Variants in CACNA1E observed in about 807,000 individuals in gnomAD.
CACNA1E encodes calcium voltage-gated channel subunit alpha1 E.
CACNA1E carries 40 observed loss-of-function variants against 259.2 expected under a neutral mutation model. The ratio of observed to expected loss-of-function variants is 0.15; its 90% CI spans 0.12 to 0.20. The LOEUF (loss-of-function observed/expected upper bound fraction) is 0.20, where lower values mean the gene tolerates loss of function less well. Among genes scored for constraint, CACNA1E ranks in the 10% least tolerant of loss-of-function variants. The probability of loss-of-function intolerance (pLI) is 1.00; values close to 1 mark genes in which losing one functional copy is unlikely to be tolerated. For synonymous variants in CACNA1E, 1,104 were observed against 1,138.5 expected (o/e 0.97, Z 0.61); for missense variants, 1,874 against 3,040.1 (o/e 0.62, Z 9.02).
chr1:181,626,915 T>C (rs58662054), intron 6 of CACNA1E, among the ~76,000 whole-genome samples: 4,441 of 152,282 alleles, frequency 0.029, 237 homozygotes, highest in African/African-American at 0.1. Flanking sequence ...CAGGAAAACA[T>C]GCCCAGGGCG....
intron 2 of CACNA1E, among the ~76,000 whole-genome samples, chr1:181,462,478 G>A (rs993693658): frequency 1.4e-4 from 22 of 152,098 alleles, no homozygotes; most frequent in Admixed American, 2.6e-4. Context: ...GATATATTTC[G>A]AACATTTGTA....
At position 181,794,022 on chromosome 1, in the gene CACNA1E, C is replaced by G. The variant is rs191841430; in HGVS notation, c.6027+229C>G. On this transcript the variant is annotated intron_variant, in intron 45 of 47. Coordinates refer to ENST00000367573, the MANE Select transcript of CACNA1E (RefSeq NM_001205293.3). Reference sequence around the variant, plus strand: ...ACAAAATTGCATACTTCACTCCGGACGGGTTAAACATTCTCAAGATTCAAC... The same window carrying G: ...ACAAAATTGCATACTTCACTCCGGAGGGGTTAAACATTCTCAAGATTCAAC... Among the ~76,000 whole-genome samples the G allele has an allele frequency of 7.2e-5, 11 of 152,254 alleles. No individual in the cohort carries two copies. The East Asian group carries it at 1.9e-3, about 27-fold the overall frequency.
intron 6 of CACNA1E, among the ~76,000 whole-genome samples, chr1:181,626,060 T>A (rs1165789575): frequency 6.6e-6 from 1 of 152,262 alleles, no homozygotes; most frequent in East Asian, 1.9e-4. Context: ...ACAACATTTA[T>A]CAATTAAGCA....
chr1:181,483,778 C>T lies in CACNA1E; in HGVS notation c.34C>T (p.Pro12Ser). The T allele has an allele frequency of 6.2e-7, 1 of 1,610,750 alleles. No homozygotes were observed. The highest frequency in any genetic ancestry group is 8.5e-7 in the Non-Finnish European group (1 of 1,178,692). ...ARFGEAVVAR[P>S]GSGDGDSDQS... The stretch of plus-strand genomic sequence containing the variant: ...CTTCGGGGAGGCGGTGGTCGCCAGG[C>T]CAGGGTCCGGCGATGGAGACTCGGA... Residue 12 changes from proline (P) to serine (S), a missense_variant, in exon 1 of 48, where the codon CCA (proline) becomes TCA (serine). Coordinates refer to ENST00000367573, the MANE Select transcript of CACNA1E (RefSeq NM_001205293.3).
At chr1:181,325,032 C>T (rs891931399) in intron 1 of CACNA1E, among the ~76,000 whole-genome samples, 9 of 152,128 alleles carry the variant, frequency 5.9e-5, no homozygotes, top group African/African-American at 2.2e-4. Context: ...CTCTTCTCTC[C>T]AGCCCATCGT....
At position 181,352,300 on chromosome 1, in the gene CACNA1E, C is replaced by T. The variant is rs538258449; in HGVS notation, c.-15+34177C>T. Among the ~76,000 whole-genome samples, 25 of 152,158 alleles carry T rather than the reference C, an allele frequency of 1.6e-4. No individual in the cohort carries two copies. The South Asian group carries it at 3.1e-3, about 19-fold the overall frequency. Reference sequence around the variant, plus strand: ...AAGGGCGGAGAGCAGTGGGAAATGACGGCATCCAAGTGAGTGGGGGTGAGA... The same window carrying T: ...AAGGGCGGAGAGCAGTGGGAAATGATGGCATCCAAGTGAGTGGGGGTGAGA... On this transcript the variant is annotated intron_variant, in intron 1 of 11. Transcript: ENST00000524607.
intron 7 of CACNA1E, among the ~76,000 whole-genome samples, chr1:181,673,226 G>A (rs993737319): frequency 1.8e-5 from 1 of 55,676 alleles, no homozygotes; most frequent in African/African-American, 3.2e-5. Context: ...ATGAGTATGT[G>A]TGTGTGTGTG....
chr1:181,359,960 CT>C (rs1186107969), intron 1 of CACNA1E, among the ~76,000 whole-genome samples: 1 of 152,106 alleles, frequency 6.6e-6, no homozygotes, highest in African/African-American at 2.4e-5. Context: ...GTCTACATTG[CT>C]GCCCAGCCTT....
At chr1:181,475,686 G>A (rs954306091) in intron 2 of CACNA1E, among the ~76,000 whole-genome samples, 1 of 152,186 alleles carries the variant, frequency 6.6e-6, no homozygotes, top group Non-Finnish European at 1.5e-5. Context: ...CCATTTTATA[G>A]GCAGTGGGGA....
intron 2 of CACNA1E, among the ~76,000 whole-genome samples, chr1:181,434,761 C>G (rs143453113): frequency 2.0e-5 from 3 of 152,284 alleles, no homozygotes; most frequent in African/African-American, 7.2e-5. Flanking sequence ...GCAGGAGCCA[C>G]CTGGTCAGGG....
At chr1:181,528,801 G>A (rs2102716256) in intron 3 of CACNA1E, among the ~76,000 whole-genome samples, 1 of 152,304 alleles carries the variant, frequency 6.6e-6, no homozygotes, top group South Asian at 2.1e-4. Context: ...TTTCTTAGCA[G>A]CAAAGCATTC....
chr1:181,585,421 T>C (rs998320813), intron 6 of CACNA1E, among the ~76,000 whole-genome samples: 8 of 152,226 alleles, frequency 5.3e-5, no homozygotes, highest in African/African-American at 1.9e-4. Context: ...GGCTACTATG[T>C]GCCAAATACT....
chr1:181,452,931 A>G (rs1278849866), intron 2 of CACNA1E, among the ~76,000 whole-genome samples: 1 of 152,232 alleles, frequency 6.6e-6, no homozygotes, highest in Non-Finnish European at 1.5e-5. Flanking sequence ...AAGAACGAGT[A>G]TAAACATTTA....
rs202113478 is a variant in CACNA1E at position 181,716,293 on chromosome 1, AT to A, written c.1315+167del. 5.7e-3 allele frequency among the ~76,000 whole-genome samples: 672 copies of A among 118,382 alleles called. 3 individuals are homozygous for A. The highest frequency in any genetic ancestry group is 8.5e-3 in the Non-Finnish European group (436 of 51,420). The allele number at this position is 118,382 out of a possible 152,430, so 77.7% of individuals were successfully genotyped here. On this transcript the variant is annotated intron_variant, in intron 10 of 47. Coordinates refer to ENST00000367573, the MANE Select transcript of CACNA1E (RefSeq NM_001205293.3). Reference sequence around the variant, plus strand: ...AATCGAATCTAGATTACAATGATTTATTTAAAAAAAAAAAAAAAAGGACCTG... The same window carrying A: ...AATCGAATCTAGATTACAATGATTTATTAAAAAAAAAAAAAAAAGGACCTG...
Position 181,690,570 on chromosome 1 carries a change from A to G in CACNA1E, c.1056-20384A>G, listed in dbSNP as rs866333921. Among the ~76,000 whole-genome samples, 8 of 152,288 alleles carry G rather than the reference A, an allele frequency of 5.3e-5. No homozygotes were observed. The South Asian group carries it at 1.5e-3, about 28-fold the overall frequency. ...GAATCTGTAAATTATTTTGGGCAGTATGGCCATTTTCATGATACTGATTCT... is the reference window on the plus strand; with the variant it reads ...GAATCTGTAAATTATTTTGGGCAGTGTGGCCATTTTCATGATACTGATTCT... On this transcript the variant is annotated intron_variant, in intron 7 of 47. Coordinates refer to ENST00000367573, the MANE Select transcript of CACNA1E (RefSeq NM_001205293.3).
In CACNA1E at chr1:181,484,072, G is replaced by A. The variant is rs1296208250; in HGVS notation, c.266+62G>A. ...TTTGCATTTCTTCGGGTGAAGGGGG[G>A]TACCTAGCATGGAATGTATCCCCCA... On this transcript the variant is annotated intron_variant, in intron 1 of 47. Transcript: ENST00000367573. 8.0e-6 allele frequency: 12 copies of A among 1,505,276 alleles called. No homozygotes were observed. In the South Asian group the frequency reaches 1.1e-4, roughly 14 times the overall value. The allele number at this position is 1,505,276 out of a possible 1,614,324, so 93.2% of individuals were successfully genotyped here. A position where few individuals can be genotyped will look rare whatever the true frequency, so the allele number is the denominator to read the frequency against.
intron 25 of CACNA1E, among the ~76,000 whole-genome samples, chr1:181,748,887 T>C (rs1235484854): frequency 6.6e-6 from 1 of 152,182 alleles, no homozygotes; most frequent in Non-Finnish European, 1.5e-5. Flanking sequence ...TATTAAGGAC[T>C]CCACAGATGC....
At chr1:181,752,679 C>G (rs184019955) in intron 27 of CACNA1E, among the ~76,000 whole-genome samples, 1 of 152,340 alleles carries the variant, frequency 6.6e-6, no homozygotes, top group African/African-American at 2.4e-5. Flanking sequence ...AGAGGCTCTT[C>G]TAGCCCTACC....
intron 6 of CACNA1E, among the ~76,000 whole-genome samples, chr1:181,647,988 CA>C (rs1658439323): frequency 6.6e-6 from 1 of 152,194 alleles, no homozygotes; most frequent in South Asian, 2.1e-4. Flanking sequence ...TTTAAGCTGT[CA>C]GTCATCTTCA....
Sources: gnomAD v4.1 joint callset for allele counts (sites outside exome capture counted in the v4.1 genomes callset) on GRCh38, gnomAD v4.1.1 for gene constraint, MANE v1.5 for transcripts, NCBI Gene and HGNC (gene_info 2026-07-23, HGNC 2026-07-21) for gene names.